Variants in FOXN4 observed in about 807,000 individuals in gnomAD.
The protein encoded by FOXN4 is forkhead box N4.
Under a neutral mutation model 45.0 loss-of-function variants are expected in FOXN4, and 12 were observed. That is an observed-to-expected ratio of 0.27 (90% CI 0.17 to 0.43). The LOEUF is 0.43. FOXN4 is among the 20% of genes least tolerant of loss of function. The pLI, the probability that FOXN4 is intolerant of heterozygous loss-of-function variation, is 1.00. For synonymous variants in FOXN4, 297 were observed against 295.0 expected (o/e 1.01, Z -0.07); for missense variants, 560 against 694.9 (o/e 0.81, Z 2.18).
At chr12:109,286,861 C>A in intron 6 of FOXN4, 117 bp from the exon 7 acceptor site, 1 of 1,455,950 alleles carries the variant, frequency 6.9e-7, no homozygotes, top group Non-Finnish European at 9.0e-7. Flanking sequence ...CCTGCTTGAC[C>A]CTAAACACTC....
At chr12:109,295,041 G>A (rs564298656) in intron 2 of FOXN4, among the ~76,000 whole-genome samples, 4 of 152,210 alleles carry the variant, frequency 2.6e-5, no homozygotes, top group Admixed American at 6.5e-5. Flanking sequence ...GCACTTAATC[G>A]CCAGCCTCAG....
In FOXN4 at chr12:109,309,099, C is replaced by G. The variant is rs943209137; in HGVS notation, c.-4+20G>C. On this transcript the variant is annotated intron_variant, in intron 1 of 9. Coordinates refer to ENST00000299162, the MANE Select transcript of FOXN4 (RefSeq NM_213596.3). The surrounding 1 kb of genome is among the most constrained non-coding windows in gnomAD (Gnocchi z 5.0). Reference sequence around the variant, plus strand: ...CATTGCCCGGGAGGAGGGAGCAAAGCCGACCCTGCAAGGCGGTACCTGGAG... The same window carrying G: ...CATTGCCCGGGAGGAGGGAGCAAAGGCGACCCTGCAAGGCGGTACCTGGAG... 62 of 152,294 alleles carry G rather than the reference C, an allele frequency of 4.1e-4. No individual in the cohort carries two copies. Among genetic ancestry groups the G allele is most frequent in the African/African-American group, 1.4e-3 (58 of 41,562 alleles). 9.4% of individuals were successfully genotyped at this position (152,294 alleles called of 1,614,324 possible). A position where few individuals can be genotyped will look rare whatever the true frequency, so the allele number is the denominator to read the frequency against.
chr12:109,289,803 T>C (rs1465207620), intron 3 of FOXN4, among the ~76,000 whole-genome samples: 1 of 152,148 alleles, frequency 6.6e-6, no homozygotes, highest in African/African-American at 2.4e-5. Flanking sequence ...TAAAATCCAT[T>C]CCTAACACAA....
chr12:109,284,467 G>A (rs374613932), intron 8 of FOXN4, among the ~76,000 whole-genome samples: 2 of 152,290 alleles, frequency 1.3e-5, no homozygotes, highest in African/African-American at 2.4e-5. Flanking sequence ...GCATGTGTGC[G>A]TGTGCGCACA....
Position 109,288,452 on chromosome 12 carries a change from A to C in FOXN4, c.233-272T>G, listed in dbSNP as rs1168648119. Among the ~76,000 whole-genome samples, 1 of 152,204 alleles carries C rather than the reference A, an allele frequency of 6.6e-6. No individual in the cohort carries two copies. Among genetic ancestry groups the C allele is most frequent in the Non-Finnish European group, 1.5e-5 (1 of 68,038 alleles). ...ATCTGCTGTGAGGGTTAAATGAGATAATGTCTATCAAGTGCTTAGCACACT... is the reference window on the plus strand; with the variant it reads ...ATCTGCTGTGAGGGTTAAATGAGATCATGTCTATCAAGTGCTTAGCACACT... On this transcript the variant is annotated intron_variant, in intron 3 of 9. Coordinates refer to ENST00000299162, the MANE Select transcript of FOXN4 (RefSeq NM_213596.3). The surrounding 1 kb of genome is among the most constrained non-coding windows in gnomAD (Gnocchi z 4.3).
At position 109,281,661 on chromosome 12, in the gene FOXN4, G is replaced by A; in HGVS notation, c.1040C>T (p.Pro347Leu). The A allele has an allele frequency of 3.1e-6, 5 of 1,610,044 alleles. No individual in the cohort carries two copies. The highest frequency in any genetic ancestry group is 4.2e-6 in the Non-Finnish European group (5 of 1,178,602). The change falls in exon 9 of 10, where the codon CCA becomes CTA. Residue 347 changes from proline to leucine, a missense_variant. Transcript: ENST00000299162. Reference protein sequence around the residue: ...AHGCLAVSQLPPQPLMTLSLQ... With the variant: ...AHGCLAVSQLLPQPLMTLSLQ... ...GGACAGGGTCATCAGTGGCTGGGGTGGGAGCTGGGAGACAGCCAGGCAGCC... is the reference window on the plus strand; with the variant it reads ...GGACAGGGTCATCAGTGGCTGGGGTAGGAGCTGGGAGACAGCCAGGCAGCC...
intron 2 of FOXN4, among the ~76,000 whole-genome samples, chr12:109,301,496 C>T (rs112611506): frequency 1.3e-5 from 2 of 152,344 alleles, no homozygotes; most frequent in African/African-American, 4.8e-5. Flanking sequence ...CTCCTTCCAT[C>T]CTCTCTGCTC....
Position 109,290,121 on chromosome 12 carries a change from T to C in FOXN4, c.232+20A>G. 1 of 1,530,216 alleles carries C rather than the reference T, an allele frequency of 6.5e-7. No individual in the cohort carries two copies. Among genetic ancestry groups the C allele is most frequent in the South Asian group, 1.2e-5 (1 of 80,374 alleles). The allele number at this position is 1,530,216 out of a possible 1,614,324, so 94.8% of individuals were successfully genotyped here. A position where few individuals can be genotyped will look rare whatever the true frequency, so the allele number is the denominator to read the frequency against. On this transcript the variant is annotated intron_variant, in intron 3 of 9. Transcript: ENST00000299162. The surrounding 1 kb of genome is among the most constrained non-coding windows in gnomAD (Gnocchi z 5.1). ...CTCCTATATCACCCTCCTCCCTGCCTACCTTGTCCCTGAGCCTACCTGGGT... is the reference window on the plus strand; with the variant it reads ...CTCCTATATCACCCTCCTCCCTGCCCACCTTGTCCCTGAGCCTACCTGGGT...
At chr12:109,280,264 A>G (rs2047640060) in intron 9 of FOXN4, among the ~76,000 whole-genome samples, 1 of 150,522 alleles carries the variant, frequency 6.6e-6, no homozygotes, top group African/African-American at 2.5e-5. Flanking sequence ...AATCACTTGA[A>G]CCCAGGAGTT....
In FOXN4 at chr12:109,290,239, G is replaced by A. The variant is rs1171128217; in HGVS notation, c.134C>T (p.Ser45Leu). Reference sequence around the variant, plus strand: ...ATCCACCGCCGTGAGCCACGACAGCGACTGCAGGTCCCCGGGAAGGTCATC... The same window carrying A: ...ATCCACCGCCGTGAGCCACGACAGCAACTGCAGGTCCCCGGGAAGGTCATC... The part of the protein sequence containing the change: ...SDDDLPGDLQ[S>L]LSWLTAVDVP... The change falls in exon 3 of 10, where the codon TCG (serine) becomes TTG (leucine). Residue 45 changes from serine to leucine, a missense_variant. By Grantham distance (145) the Ser-to-Leu change is moderately radical. Transcript: ENST00000299162. This position sits in a 1 kb window ranked among gnomAD's most constrained non-coding sequence, Gnocchi z 5.1. 5.8e-6 allele frequency: 9 copies of A among 1,551,440 alleles called. No homozygotes were observed. Among genetic ancestry groups the A allele is most frequent in the East Asian group, 2.4e-5 (1 of 40,882 alleles).
At chr12:109,300,389 T>C (rs1040451144) in intron 2 of FOXN4, among the ~76,000 whole-genome samples, 6 of 152,132 alleles carry the variant, frequency 3.9e-5, no homozygotes, top group African/African-American at 1.4e-4. Context: ...AACTCTCCAG[T>C]CTCCTGAGAG....
At chr12:109,301,448 C>T (rs148693437) in intron 2 of FOXN4, among the ~76,000 whole-genome samples, 95 of 152,332 alleles carry the variant, frequency 6.2e-4, no homozygotes, top group Admixed American at 1.4e-3. Flanking sequence ...AAGCTCCTCA[C>T]CTTGACCTGG....
intron 2 of FOXN4, among the ~76,000 whole-genome samples, chr12:109,299,591 C>G (rs767984333): frequency 6.6e-6 from 1 of 152,178 alleles, no homozygotes; most frequent in Non-Finnish European, 1.5e-5. Context: ...TGGGATGCCA[C>G]TAGAGCCCCT....
chr12:109,287,447 T>A lies in FOXN4; in HGVS notation c.546A>T (p.Ser182=). The stretch of plus-strand genomic sequence containing the variant: ...AGTGTTTGGGGTGCAGTTCTTGAGA[T>A]GAATGCACAGCCACGTGGGGCTGGG... The part of the protein sequence containing the change: ...PYPQPHVAVH[S]SQELHPKHYP... The change falls in exon 6 of 10, where the codon TCA becomes TCT. Residue 182 remains serine, a synonymous_variant. Coordinates refer to ENST00000299162, the MANE Select transcript of FOXN4 (RefSeq NM_213596.3). This position sits in a 1 kb window ranked among gnomAD's most constrained non-coding sequence, Gnocchi z 4.1. 1 of 1,551,324 alleles carries A rather than the reference T, an allele frequency of 6.4e-7. No individual in the cohort carries two copies. Among genetic ancestry groups the A allele is most frequent in the Non-Finnish European group, 8.7e-7 (1 of 1,146,838 alleles).
intron 8 of FOXN4, among the ~76,000 whole-genome samples, 193 bp from the exon 9 acceptor site, chr12:109,281,992 T>A (rs1397613850): frequency 6.6e-6 from 1 of 152,224 alleles, no homozygotes; most frequent in South Asian, 2.1e-4. Flanking sequence ...TGCCACCCAT[T>A]GTAAATGAAG....
At position 109,290,104 on chromosome 12, in the gene FOXN4, T is replaced by A; in HGVS notation, c.232+37A>T. 1 of 1,510,442 alleles carries A rather than the reference T, an allele frequency of 6.6e-7. No individual in the cohort carries two copies. Among genetic ancestry groups the A allele is most frequent in the Non-Finnish European group, 8.9e-7 (1 of 1,124,152 alleles). The allele number at this position is 1,510,442 out of a possible 1,614,324, so 93.6% of individuals were successfully genotyped here. A position where few individuals can be genotyped will look rare whatever the true frequency, so the allele number is the denominator to read the frequency against. ...GGCTGGGAATCACCCCTCTCCTATA[T>A]CACCCTCCTCCCTGCCTACCTTGTC... is the stretch of plus-strand genomic sequence containing the variant. On this transcript the variant is annotated intron_variant, in intron 3 of 9. Transcript: ENST00000299162. This position sits in a 1 kb window ranked among gnomAD's most constrained non-coding sequence, Gnocchi z 5.1.
At chr12:109,294,202 C>T (rs1004138658) in intron 2 of FOXN4, among the ~76,000 whole-genome samples, 4 of 152,176 alleles carry the variant, frequency 2.6e-5, no homozygotes, top group African/African-American at 9.7e-5. Flanking sequence ...AAGCCCCACC[C>T]TTGGGACTTC....
chr12:109,280,440 C>T (rs1056918228), intron 9 of FOXN4, among the ~76,000 whole-genome samples: 5 of 151,716 alleles, frequency 3.3e-5, no homozygotes, highest in African/African-American at 1.2e-4. Flanking sequence ...AAGTCACTTC[C>T]ATCTCAGAAC....
At chr12:109,306,020 CCCAGATGAACAAGGT>C (rs1183531497) in intron 2 of FOXN4, among the ~76,000 whole-genome samples, 1 of 152,072 alleles carries the variant, frequency 6.6e-6, no homozygotes, top group East Asian at 1.9e-4. Context: ...AGCTGGGTGG[CCCAGATGAACAAGGT>C]CAAGACTCCG....
Sources: gnomAD v4.1 joint callset for allele counts (sites outside exome capture counted in the v4.1 genomes callset) on GRCh38, gnomAD v4.1.1 for gene constraint, Gnocchi (gnomAD v3.1) non-coding constraint, MANE v1.5 for transcripts, NCBI Gene and HGNC (gene_info 2026-07-23, HGNC 2026-07-21) for gene names.